The following ANKMY2 variants were observed in gnomAD, a reference collection of about 807,000 sequenced individuals.
The protein encoded by ANKMY2 is ankyrin repeat and MYND domain containing 2.
Under a neutral mutation model 50.4 loss-of-function variants are expected in ANKMY2, and 36 were observed. That is an observed-to-expected ratio of 0.71 (90% CI 0.55 to 0.94). The LOEUF is 0.94. ANKMY2 is among the 40% of genes least tolerant of loss of function. ANKMY2 has a pLI of 0.00. For missense variants in ANKMY2, 565 were observed against 524.0 expected (o/e 1.08, Z -0.76); for synonymous variants, 187 against 178.8 (o/e 1.05, Z -0.36).
At position 16,627,382 on chromosome 7, in the gene ANKMY2, C is replaced by T. The variant is rs112857941; in HGVS notation, c.133-204G>A. On this transcript the variant is annotated intron_variant, in intron 2 of 9. Coordinates refer to ENST00000306999, the MANE Select transcript of ANKMY2 (RefSeq NM_020319.3). ...GGTTTTATTACTGGAGATTTTTTTA[C>T]GGATTAGCAAACAGATTCAGAGAGG... Among the ~76,000 whole-genome samples, 998 of 152,122 alleles carry T rather than the reference C, an allele frequency of 6.6e-3. 3 individuals are homozygous for T. The highest frequency in any genetic ancestry group is 0.016 in the African/African-American group (668 of 41,506).
At chr7:16,615,965 T>A (rs990703116) in intron 4 of ANKMY2, 61 bp from the exon 5 acceptor site, 14 of 1,465,046 alleles carry the variant, frequency 9.6e-6, no homozygotes, top group Middle Eastern at 2.0e-4. Context: ...ATCTGGTTTT[T>A]AAAATTAATT....
rs1369867253 is a variant in ANKMY2 at position 16,600,205 on chromosome 7, C to A, written c.*556G>T. On this transcript the variant is annotated 3_prime_UTR_variant, in exon 10 of 10. Transcript: ENST00000306999. Reference sequence around the variant, plus strand: ...ACGTCAAGTTCAGAGTGTTCAGGATCATTTCTATATAAAACTACAATTAGC... The same window carrying A: ...ACGTCAAGTTCAGAGTGTTCAGGATAATTTCTATATAAAACTACAATTAGC... 1.3e-5 allele frequency: 2 copies of A among 152,210 alleles called. No individual in the cohort carries two copies. The highest frequency in any genetic ancestry group is 2.9e-5 in the Non-Finnish European group (2 of 68,038). The allele number at this position is 152,210 out of a possible 1,614,324, so 9.4% of individuals were successfully genotyped here.
At chr7:16,631,618 CTTT>C (rs1179871356) in intron 2 of ANKMY2, among the ~76,000 whole-genome samples, 2 of 143,210 alleles carry the variant, frequency 1.4e-5, no homozygotes, top group Admixed American at 7.0e-5. Context: ...AGTTTTTCTA[CTTT>C]TTTTTTTTTT....
At chr7:16,601,728 TATG>T (rs1352399830) in intron 9 of ANKMY2, among the ~76,000 whole-genome samples, 1 of 152,146 alleles carries the variant, frequency 6.6e-6, no homozygotes, top group African/African-American at 2.4e-5. Context: ...CCCCAGAACA[TATG>T]ATACATTCTC....
At chr7:16,616,664 A>G (rs1167403106) in intron 4 of ANKMY2, among the ~76,000 whole-genome samples, 3 of 152,186 alleles carry the variant, frequency 2.0e-5, no homozygotes, top group African/African-American at 7.2e-5. Flanking sequence ...GGCACACAGG[A>G]GGGCGGGCGC....
At chr7:16,613,588 T>C (rs1781292601) in intron 5 of ANKMY2, among the ~76,000 whole-genome samples, 1 of 152,172 alleles carries the variant, frequency 6.6e-6, no homozygotes, top group Non-Finnish European at 1.5e-5. Flanking sequence ...ACTATATACC[T>C]TTACAAATTA....
At chr7:16,636,279 G>T in intron 2 of ANKMY2, 112 bp downstream of exon 2, 1 of 703,496 alleles carries the variant, frequency 1.4e-6, no homozygotes, top group Non-Finnish European at 2.1e-6. Context: ...TTCCAGCCTG[G>T]GCGAAAGAGC....
intron 2 of ANKMY2, among the ~76,000 whole-genome samples, chr7:16,636,028 G>A (rs1182669118): frequency 6.6e-6 from 1 of 152,076 alleles, no homozygotes; most frequent in Non-Finnish European, 1.5e-5. Flanking sequence ...TTTGAAGGCT[G>A]AGCGTGGTGG....
In ANKMY2 at chr7:16,607,511, T is replaced by A. The variant is rs967472207; in HGVS notation, c.882+2119A>T. Among the ~76,000 whole-genome samples, 5 of 152,050 alleles carry A rather than the reference T, an allele frequency of 3.3e-5. No homozygotes were observed. The South Asian group carries it at 1.0e-3, about 32-fold the overall frequency. On this transcript the variant is annotated intron_variant, in intron 7 of 9. Transcript: ENST00000306999. ...TGAACCCGGAAGACTGAGGTTGTAA[T>A]GAGCTGAGATTGCGCCACTGCACTC...
intron 1 of ANKMY2, among the ~76,000 whole-genome samples, chr7:16,644,022 C>T (rs1262059042): frequency 6.6e-6 from 1 of 152,068 alleles, no homozygotes; most frequent in Non-Finnish European, 1.5e-5. Context: ...GAGAAAGAGA[C>T]AGCGAGAGCG....
At chr7:16,629,664 G>A (rs1297444146) in intron 2 of ANKMY2, among the ~76,000 whole-genome samples, 1 of 152,120 alleles carries the variant, frequency 6.6e-6, no homozygotes, top group Non-Finnish European at 1.5e-5. Flanking sequence ...TGTGGTAGAT[G>A]GTCCTGGGTA....
At chr7:16,619,754 AT>A (rs1336306443) in intron 4 of ANKMY2, among the ~76,000 whole-genome samples, 1 of 152,170 alleles carries the variant, frequency 6.6e-6, no homozygotes, top group Non-Finnish European at 1.5e-5. Context: ...CCAGTACATC[AT>A]TTTGCTCCCA....
chr7:16,629,296 G>A (rs1181752135), intron 2 of ANKMY2, among the ~76,000 whole-genome samples: 8 of 152,196 alleles, frequency 5.3e-5, no homozygotes, highest in Admixed American at 5.2e-4. Context: ...AACACTTTGG[G>A]AGGCTGAGGT....
intron 5 of ANKMY2, among the ~76,000 whole-genome samples, chr7:16,614,305 C>T (rs1230748853): frequency 6.6e-6 from 1 of 152,192 alleles, no homozygotes; most frequent in Admixed American, 6.5e-5. Flanking sequence ...GTAATCTCCA[C>T]TAGAAACATG....
chr7:16,614,344 A>C (rs1349855596), intron 5 of ANKMY2, among the ~76,000 whole-genome samples: 1 of 152,266 alleles, frequency 6.6e-6, no homozygotes, highest in Non-Finnish European at 1.5e-5. Context: ...GAATTTGCCC[A>C]CTTAGTATCA....
chr7:16,621,267 A>G (rs1781431370), intron 4 of ANKMY2, among the ~76,000 whole-genome samples: 1 of 152,222 alleles, frequency 6.6e-6, no homozygotes, highest in African/African-American at 2.4e-5. Flanking sequence ...GAAAGGATTG[A>G]TATGAAGGAA....
intron 1 of ANKMY2, chr7:16,644,927 T>C (rs148834683): frequency 7.1e-5 from 24 of 336,664 alleles, no homozygotes; most frequent in Middle Eastern, 1.1e-3. Flanking sequence ...TCTCTAGGGT[T>C]CCTGAGGCTG....
At chr7:16,606,312 C>T (rs1781160944) in intron 7 of ANKMY2, among the ~76,000 whole-genome samples, 1 of 152,014 alleles carries the variant, frequency 6.6e-6, no homozygotes, top group African/African-American at 2.4e-5. Flanking sequence ...GCCTGTAGTC[C>T]CAGCTACTTG....
intron 1 of ANKMY2, among the ~76,000 whole-genome samples, chr7:16,639,960 G>A (rs1781723198): frequency 6.6e-6 from 1 of 151,536 alleles, no homozygotes; most frequent in Admixed American, 6.6e-5. Flanking sequence ...AGGAGTTTGA[G>A]ACCAGCCTGG....
Sources: allele counts gnomAD v4.1 joint callset (sites outside exome capture counted in the v4.1 genomes callset), GRCh38; gene constraint gnomAD v4.1.1; transcripts MANE v1.5; gene names NCBI Gene and HGNC (gene_info 2026-07-23, HGNC 2026-07-21).